POLE2: variants seen among roughly 807,000 people sequenced by gnomAD.
POLE2 encodes the protein DNA polymerase epsilon 2, accessory subunit, also known as DNA polymerase epsilon subunit 2.
POLE2 carries 56 observed loss-of-function variants against 79.4 expected under a neutral mutation model. The observed-to-expected ratio is 0.71, with a 90% CI of 0.57 to 0.88. POLE2 has a LOEUF of 0.88. POLE2 is among the 40% of genes least tolerant of loss of function. The probability of loss-of-function intolerance (pLI) is 0.00; values close to 1 mark genes in which losing one functional copy is unlikely to be tolerated. For missense variants in POLE2, 598 were observed against 638.9 expected (o/e 0.94, Z 0.69); for synonymous variants, 212 against 214.0 (o/e 0.99, Z 0.08).
At chr14:49,645,916 C>G (rs2139598453) in intron 18 of POLE2, among the ~76,000 whole-genome samples, 1 of 152,294 alleles carries the variant, frequency 6.6e-6, no homozygotes, top group South Asian at 2.1e-4. Context: ...CAGGTGTGAG[C>G]CACCACGAAT....
chr14:49,681,878 C>G lies in POLE2; in HGVS notation c.169+1715G>C, dbSNP rs118164074. 1.7e-3 allele frequency: 250 copies of G among 151,190 alleles called. 3 individuals are homozygous for G. In the East Asian group the frequency reaches 0.018, roughly 11 times the overall value. The allele number at this position is 151,190 out of a possible 1,614,324, so 9.4% of individuals were successfully genotyped here. On this transcript the variant is annotated intron_variant, in intron 2 of 18. Transcript: ENST00000216367. ...GAGGAGGGAAGCAGTGTGTAGAAAG[C>G]AAATGCCTTGAAGGAGTTCCCAAAC...
At chr14:49,655,458 AACAC>A (rs35575577) in intron 11 of POLE2, among the ~76,000 whole-genome samples, 5,758 of 143,404 alleles carry the variant, frequency 0.04, 133 homozygotes, top group Non-Finnish European at 0.061. Flanking sequence ...CATGACTATA[AACAC>A]ACACACACAC....
At chr14:49,653,806 C>T (rs1445129448) in intron 15 of POLE2, 184 bp downstream of exon 15, 2 of 501,856 alleles carry the variant, frequency 4.0e-6, no homozygotes, top group Non-Finnish European at 7.1e-6. Flanking sequence ...TGCCACCAAG[C>T]CCAGCTAATT....
intron 17 of POLE2, among the ~76,000 whole-genome samples, chr14:49,649,597 GCA>G: frequency 6.6e-6 from 1 of 150,580 alleles, no homozygotes; most frequent in South Asian, 2.1e-4. Flanking sequence ...TTACAGGCGC[GCA>G]CCACCACGCC....
chr14:49,675,542 C>T (rs936345806), intron 3 of POLE2, among the ~76,000 whole-genome samples: 32 of 152,070 alleles, frequency 2.1e-4, no homozygotes, highest in African/African-American at 7.2e-4. Context: ...AGCGATTCTC[C>T]CGCCTCTCAA....
intron 6 of POLE2, among the ~76,000 whole-genome samples, chr14:49,668,515 T>G (rs1885652567): frequency 6.6e-6 from 1 of 152,060 alleles, no homozygotes; most frequent in African/African-American, 2.4e-5. Context: ...CAGTATTTTT[T>G]AGCACATCAT....
At position 49,647,371 on chromosome 14, in the gene POLE2, G is replaced by GA. The variant is rs1594621815; in HGVS notation, c.1498-12dup. ...TCTTGGAAAAGAGCCCTTTGGGGGA[G>GA]AAAAATGCCTGTAAGTGAATGCTCA... On this transcript the variant is annotated splice_polypyrimidine_tract_variant and intron_variant, in intron 17 of 18. Coordinates refer to ENST00000216367, the MANE Select transcript of POLE2 (RefSeq NM_002692.4). The GA allele has an allele frequency of 6.8e-7, 1 of 1,471,408 alleles. No individual in the cohort carries two copies. Among genetic ancestry groups the GA allele is most frequent in the Non-Finnish European group, 9.2e-7 (1 of 1,084,432 alleles). The allele number at this position is 1,471,408 out of a possible 1,614,324, so 91.1% of individuals were successfully genotyped here. A position where few individuals can be genotyped will look rare whatever the true frequency, so the allele number is the denominator to read the frequency against.
chr14:49,651,558 C>A (rs1314280910), intron 15 of POLE2, 181 bp from the exon 16 acceptor site: 4 of 406,070 alleles, frequency 9.9e-6, no homozygotes, highest in Non-Finnish European at 1.3e-5. Flanking sequence ...TTAATATATG[C>A]CTACCCCATT....
chr14:49,652,878 A>G (rs1281971023), intron 15 of POLE2, among the ~76,000 whole-genome samples: 1 of 151,964 alleles, frequency 6.6e-6, no homozygotes, highest in Non-Finnish European at 1.5e-5. Context: ...TCTGTCTCCC[A>G]TAAGATCAGT....
At chr14:49,649,615 A>G (rs980775671) in intron 17 of POLE2, among the ~76,000 whole-genome samples, 57 of 151,244 alleles carry the variant, frequency 3.8e-4, no homozygotes, top group African/African-American at 1.3e-3. Context: ...ACGCCCAGCT[A>G]ATTATTGTAA....
At chr14:49,677,416 C>CCCTATCTTGCTTGGAGACCCACCCA in intron 3 of POLE2, 1 of 474,826 alleles carries the variant, frequency 2.1e-6, no homozygotes, top group Admixed American at 3.4e-5. Context: ...GTTAGGCCCA[C>CCCTATCTTGCTTGGAGACCCACCCA]AGGGACCTGA....
chr14:49,688,185 G>C lies in POLE2; in HGVS notation c.19C>G (p.Arg7Gly), dbSNP rs774328784. The C allele has an allele frequency of 6.5e-7, 1 of 1,538,540 alleles. No individual in the cohort carries two copies. Among genetic ancestry groups the C allele is most frequent in the South Asian group, 1.2e-5 (1 of 83,556 alleles). The change falls in exon 1 of 19, where the codon CGG becomes GGG. Residue 7 changes from arginine (R) to glycine (G), a missense_variant. Coordinates refer to ENST00000216367, the MANE Select transcript of POLE2 (RefSeq NM_002692.4). Reference sequence around the variant, plus strand: ...TTGAAGGCGGAGAGCGCCCGGCTCCGCAGCCGCTCCGGCGCCATATTTGCG... The same window carrying C: ...TTGAAGGCGGAGAGCGCCCGGCTCCCCAGCCGCTCCGGCGCCATATTTGCG... MAPERL[R>G]SRALSAFKLR...
intron 1 of POLE2, among the ~76,000 whole-genome samples, chr14:49,686,644 G>GC (rs1190339149): frequency 6.6e-6 from 1 of 152,140 alleles, no homozygotes; most frequent in Admixed American, 6.6e-5. Flanking sequence ...TACATTATCT[G>GC]CCCCCTACAA....
intron 3 of POLE2, among the ~76,000 whole-genome samples, chr14:49,675,612 G>A (rs913667454): frequency 6.6e-6 from 1 of 151,690 alleles, no homozygotes; most frequent in Admixed American, 6.6e-5. Context: ...TTTTAGTAGA[G>A]ACAGGGTTTT....
At chr14:49,652,098 G>A (rs1884289738) in intron 15 of POLE2, among the ~76,000 whole-genome samples, 1 of 151,990 alleles carries the variant, frequency 6.6e-6, no homozygotes, top group South Asian at 2.1e-4. Flanking sequence ...TTCCAGGATC[G>A]GGAAGGTGGA....
intron 16 of POLE2, 39 bp from the exon 17 acceptor site, chr14:49,650,480 T>C (rs759497324): frequency 6.0e-6 from 8 of 1,322,862 alleles, no homozygotes; most frequent in Non-Finnish European, 7.9e-6. Context: ...TTCAGTTCAT[T>C]TGCAAAAGTG....
chr14:49,668,148 C>T (rs190853895), intron 6 of POLE2, among the ~76,000 whole-genome samples: 6 of 151,706 alleles, frequency 4.0e-5, no homozygotes, highest in South Asian at 2.1e-4. Flanking sequence ...GTGGTGTGCA[C>T]GTATGTCCCA....
chr14:49,662,374 T>G (rs1885160419), intron 10 of POLE2, among the ~76,000 whole-genome samples: 2 of 152,262 alleles, frequency 1.3e-5, no homozygotes, highest in South Asian at 4.1e-4. Flanking sequence ...CTCGGCTCAC[T>G]GCAACCTCTG....
At chr14:49,672,576 C>CA (rs1566559164) in intron 5 of POLE2, among the ~76,000 whole-genome samples, 1 of 151,600 alleles carries the variant, frequency 6.6e-6, no homozygotes, top group Non-Finnish European at 1.5e-5. Context: ...CTTGGCTCAC[C>CA]ATAACCTCCG....
Sources: allele counts gnomAD v4.1 joint callset (sites outside exome capture counted in the v4.1 genomes callset), GRCh38; gene constraint gnomAD v4.1.1; transcripts MANE v1.5; gene names NCBI Gene and HGNC (gene_info 2026-07-23, HGNC 2026-07-21).